GRIP1: variants seen among roughly 807,000 people sequenced by gnomAD.
GRIP1 encodes the protein glutamate receptor interacting protein 1, also known as glutamate receptor-interacting protein 1.
GRIP1 carries 45 observed loss-of-function variants against 129.9 expected under a neutral mutation model. The ratio of observed to expected loss-of-function variants is 0.35; its 90% CI spans 0.27 to 0.44. The LOEUF is 0.44. Ranked by LOEUF, GRIP1 falls within the 20% of genes least tolerant of loss-of-function variation. The pLI is 1.00. For synonymous variants in GRIP1, 530 were observed against 520.8 expected (o/e 1.02, Z -0.24); for missense variants, 1,196 against 1,396.8 (o/e 0.86, Z 2.29).
chr12:66,645,438 A>C (rs2032286047), intron 1 of GRIP1, among the ~76,000 whole-genome samples: 1 of 152,172 alleles, frequency 6.6e-6, no homozygotes, highest in African/African-American at 2.4e-5. Context: ...CATAATAACC[A>C]TGTGGAGTAT....
intron 1 of GRIP1, among the ~76,000 whole-genome samples, chr12:66,856,165 C>T (rs1444415682): frequency 6.6e-6 from 1 of 151,930 alleles, no homozygotes; most frequent in East Asian, 1.9e-4. Context: ...AACTGGCTAG[C>T]CATATGTAGA....
At chr12:66,951,463 TG>T (rs2041756349) in intron 1 of GRIP1, among the ~76,000 whole-genome samples, 1 of 152,022 alleles carries the variant, frequency 6.6e-6, no homozygotes. Context: ...ACAGAGACCA[TG>T]GGGAGAAACA....
chr12:67,045,429 T>C (rs2043239036), intron 1 of GRIP1, among the ~76,000 whole-genome samples: 1 of 152,146 alleles, frequency 6.6e-6, no homozygotes, highest in Non-Finnish European at 1.5e-5. Context: ...CTCAAGAACA[T>C]CTGTGCTATG....
intron 1 of GRIP1, among the ~76,000 whole-genome samples, chr12:66,753,325 G>A (rs1046344210): frequency 1.5e-5 from 2 of 133,424 alleles, no homozygotes; most frequent in African/African-American, 5.1e-5. Context: ...AAATGTGAAT[G>A]GAAGGAATGG....
At chr12:66,998,773 G>A (rs960816738) in intron 1 of GRIP1, among the ~76,000 whole-genome samples, 1 of 152,044 alleles carries the variant, frequency 6.6e-6, no homozygotes, top group African/African-American at 2.4e-5. Context: ...TAGCTGCCCT[G>A]GCTCTCTGTC....
chr12:66,565,704 G>A (rs1358230031), intron 2 of GRIP1, among the ~76,000 whole-genome samples: 3 of 151,964 alleles, frequency 2.0e-5, no homozygotes, highest in East Asian at 1.9e-4. Flanking sequence ...GAATCTATAA[G>A]TTACCTTGGG....
intron 1 of GRIP1, among the ~76,000 whole-genome samples, chr12:66,793,583 TAAC>T (rs796292950): frequency 2.6e-5 from 4 of 152,310 alleles, no homozygotes; most frequent in African/African-American, 9.6e-5. Flanking sequence ...TGGTTAGTCA[TAAC>T]AGCATGTTGC....
chr12:66,647,246 T>C (rs908150751), intron 1 of GRIP1: 6 of 152,236 alleles, frequency 3.9e-5, no homozygotes, highest in African/African-American at 1.2e-4. Flanking sequence ...TACTTACTCA[T>C]TGGTATGTGT....
At chr12:66,479,508 C>T (rs12315593) in intron 7 of GRIP1, among the ~76,000 whole-genome samples, 4,120 of 152,248 alleles carry the variant, frequency 0.027, 147 homozygotes, top group African/African-American at 0.078. Flanking sequence ...GGAGCTGGTA[C>T]CATTCCTTCT....
intron 1 of GRIP1, among the ~76,000 whole-genome samples, chr12:66,795,651 C>A (rs935501626): frequency 6.6e-6 from 1 of 152,072 alleles, no homozygotes; most frequent in Non-Finnish European, 1.5e-5. Flanking sequence ...ACATACAATT[C>A]CCTGTTTATC....
intron 1 of GRIP1, among the ~76,000 whole-genome samples, chr12:66,892,500 C>G (rs773228351): frequency 6.6e-6 from 1 of 152,172 alleles, no homozygotes; most frequent in South Asian, 2.1e-4. Flanking sequence ...AACCATAGTA[C>G]ATCACACAGC....
chr12:66,400,255 G>A (rs1222647372), intron 16 of GRIP1, among the ~76,000 whole-genome samples: 2 of 150,218 alleles, frequency 1.3e-5, no homozygotes, highest in Admixed American at 1.3e-4. Flanking sequence ...TGATTCCGAT[G>A]TACACTCAAG....
At chr12:66,904,901 A>C (rs1592942590) in intron 1 of GRIP1, among the ~76,000 whole-genome samples, 1 of 151,902 alleles carries the variant, frequency 6.6e-6, no homozygotes, top group East Asian at 1.9e-4. Context: ...AAAAAAAAAA[A>C]CAAAAAAAAG....
intron 2 of GRIP1, among the ~76,000 whole-genome samples, chr12:66,571,368 T>C (rs2062953051): frequency 6.6e-6 from 1 of 152,242 alleles, no homozygotes; most frequent in South Asian, 2.1e-4. Context: ...ATCTTTTTTG[T>C]TGTGTTTGTT....
chr12:67,034,865 C>T (rs2043072543), intron 1 of GRIP1, among the ~76,000 whole-genome samples: 1 of 152,214 alleles, frequency 6.6e-6, no homozygotes, highest in African/African-American at 2.4e-5. Flanking sequence ...TTATGCAGCA[C>T]ATGACTGCAT....
intron 3 of GRIP1, among the ~76,000 whole-genome samples, chr12:66,540,737 T>C (rs1287748646): frequency 6.6e-6 from 1 of 152,230 alleles, no homozygotes; most frequent in Non-Finnish European, 1.5e-5. Flanking sequence ...GATATGAATA[T>C]TGGTGGCCAG....
chr12:66,504,680 T>C (rs1204567475), intron 7 of GRIP1, among the ~76,000 whole-genome samples: 1 of 152,150 alleles, frequency 6.6e-6, no homozygotes, highest in East Asian at 1.9e-4. Context: ...TAGAAAATCA[T>C]TGACTCCCCC....
Position 66,632,348 on chromosome 12 carries a change from T to C in GRIP1, c.56-35421A>G, listed in dbSNP as rs368688724. ...AAAGAGAAGGCAAAGCCATTGTAAT[T>C]GGAGCCCTTGGAGCTCTCAGCAACA... On this transcript the variant is annotated intron_variant, in intron 1 of 24. Coordinates refer to ENST00000359742, the MANE Select transcript of GRIP1 (RefSeq NM_001366722.1). Among the ~76,000 whole-genome samples, 42 of 152,346 alleles carry C rather than the reference T, an allele frequency of 2.8e-4. 1 individual carries two copies. Among genetic ancestry groups the C allele is most frequent in the African/African-American group, 9.4e-4 (39 of 41,592 alleles).
In GRIP1 at chr12:66,462,905, T is replaced by C; in HGVS notation, c.1042+19A>G. Reference sequence around the variant, plus strand: ...TGTGAGGGCCAGAGAAAGAGCTTGATCCAGGTGGACCATCTCACCATGGTC... The same window carrying C: ...TGTGAGGGCCAGAGAAAGAGCTTGACCCAGGTGGACCATCTCACCATGGTC... On this transcript the variant is annotated intron_variant, in intron 9 of 24. Coordinates refer to ENST00000359742, the MANE Select transcript of GRIP1 (RefSeq NM_001366722.1). 1 of 1,601,874 alleles carries C rather than the reference T, an allele frequency of 6.2e-7. No individual in the cohort carries two copies. Among genetic ancestry groups the C allele is most frequent in the Non-Finnish European group, 8.5e-7 (1 of 1,171,566 alleles).
Sources: gnomAD v4.1 joint callset for allele counts (sites outside exome capture counted in the v4.1 genomes callset) on GRCh38, gnomAD v4.1.1 for gene constraint, MANE v1.5 for transcripts, NCBI Gene and HGNC (gene_info 2026-07-23, HGNC 2026-07-21) for gene names.